Variants in TLK1 observed in about 807,000 individuals in gnomAD.
TLK1 encodes the protein serine/threonine-protein kinase tousled-like 1.
In TLK1, 24 loss-of-function variants were observed where a neutral mutation model predicts 105.3. That is an observed-to-expected ratio of 0.23 (90% CI 0.17 to 0.32). TLK1 has a LOEUF of 0.32. Ranked by LOEUF, TLK1 falls within the 10% of genes least tolerant of loss-of-function variation. The pLI, the probability that TLK1 is intolerant of heterozygous loss-of-function variation, is 1.00. For synonymous variants in TLK1, 321 were observed against 310.4 expected (o/e 1.03, Z -0.36); for missense variants, 558 against 910.5 (o/e 0.61, Z 4.98).
intron 2 of TLK1, among the ~76,000 whole-genome samples, chr2:171,088,617 T>TAA (rs1270502006): frequency 6.6e-6 from 1 of 151,976 alleles, no homozygotes; most frequent in Non-Finnish European, 1.5e-5. Flanking sequence ...GAAGAACAAA[T>TAA]AGAGTATTTA....
At chr2:171,162,088 C>T (rs1275369317), upstream of TLK1, among the ~76,000 whole-genome samples, 1 of 152,134 alleles carries the variant, frequency 6.6e-6, no homozygotes, top group African/African-American at 2.4e-5. Flanking sequence ...AGAAAAGAAC[C>T]TTGATTGTCA....
At chr2:171,180,094 CAAAAAAAAA>C (rs57360155) in intron 1 of TLK1, among the ~76,000 whole-genome samples, 5 of 68,734 alleles carry the variant, frequency 7.3e-5, no homozygotes, top group Admixed American at 6.1e-4. Flanking sequence ...GACTCTGTCT[CAAAAAAAAA>C]AAAAAAAAAA....
At chr2:171,040,999 T>C (rs1402523238) in intron 11 of TLK1, among the ~76,000 whole-genome samples, 2 of 152,198 alleles carry the variant, frequency 1.3e-5, no homozygotes, top group Admixed American at 1.3e-4. Flanking sequence ...CTGTGAAACA[T>C]GCAACATGTA....
intron 3 of TLK1, among the ~76,000 whole-genome samples, chr2:171,073,439 G>A (rs1288103400): frequency 6.6e-6 from 1 of 152,130 alleles, no homozygotes; most frequent in East Asian, 1.9e-4. Flanking sequence ...CAACTAGACA[G>A]AATATATCAG....
chr2:171,206,691 G>T (rs1034464970), intron 1 of TLK1, among the ~76,000 whole-genome samples: 1 of 152,216 alleles, frequency 6.6e-6, no homozygotes, highest in Non-Finnish European at 1.5e-5. Flanking sequence ...CTATGTAAAA[G>T]TGTGGACTGG....
chr2:171,046,370 A>G lies in TLK1; in HGVS notation c.981-8T>C. The G allele has an allele frequency of 6.3e-7, 1 of 1,583,166 alleles. No homozygotes were observed. Among genetic ancestry groups the G allele is most frequent in the East Asian group, 2.2e-5 (1 of 44,498 alleles). ...TTCACCCATTCTTGTTGCCTGTGTA[A>G]AAATAAACAAATAAAACCATATTAA... On this transcript the variant is annotated splice_polypyrimidine_tract_variant and splice_region_variant and intron_variant, in intron 10 of 20. Transcript: ENST00000431350.
chr2:170,998,222 T>C (rs1684177050), intron 18 of TLK1, among the ~76,000 whole-genome samples: 1 of 152,224 alleles, frequency 6.6e-6, no homozygotes, highest in African/African-American at 2.4e-5. Flanking sequence ...CTGTTCAAAC[T>C]GTAGGCACTT....
At chr2:171,027,552 GCT>G (rs776452289) in intron 12 of TLK1, among the ~76,000 whole-genome samples, 1 of 152,164 alleles carries the variant, frequency 6.6e-6, no homozygotes, top group Non-Finnish European at 1.5e-5. Context: ...ATCACTAAGT[GCT>G]TTTTCCTACG....
intron 1 of TLK1, among the ~76,000 whole-genome samples, chr2:171,210,348 TG>T (rs910624472): frequency 2.0e-5 from 3 of 151,488 alleles, no homozygotes; most frequent in African/African-American, 7.3e-5. Flanking sequence ...TAGGAGAGAA[TG>T]AACTCCTGGG....
At chr2:171,098,416 T>C (rs774623350) in intron 2 of TLK1, among the ~76,000 whole-genome samples, 10 of 152,110 alleles carry the variant, frequency 6.6e-5, no homozygotes, top group Non-Finnish European at 4.4e-5. Flanking sequence ...GGTAGAAAGG[T>C]AGAAATAAAT....
chr2:171,207,973 T>C (rs1339717136), intron 1 of TLK1, among the ~76,000 whole-genome samples: 2 of 152,116 alleles, frequency 1.3e-5, no homozygotes, highest in African/African-American at 4.8e-5. Context: ...GTGATCTGCC[T>C]GCCTCAGCCT....
chr2:171,028,324 A>G lies in TLK1; in HGVS notation c.1236+15T>C, dbSNP rs371978048. 1.3e-6 allele frequency: 2 copies of G among 1,577,652 alleles called. No homozygotes were observed. The highest frequency in any genetic ancestry group is 1.7e-6 in the Non-Finnish European group (2 of 1,147,898). Reference sequence around the variant, plus strand: ...TAGCAAATTGAACTAAAAATGCAGCATATGTTTCACATACCTTTTTGAGAT... The same window carrying G: ...TAGCAAATTGAACTAAAAATGCAGCGTATGTTTCACATACCTTTTTGAGAT... On this transcript the variant is annotated intron_variant, in intron 12 of 20. Coordinates refer to ENST00000431350, the MANE Select transcript of TLK1 (RefSeq NM_012290.5).
intron 1 of TLK1, among the ~76,000 whole-genome samples, chr2:171,145,640 A>C (rs779398231): frequency 6.6e-6 from 1 of 152,180 alleles, no homozygotes; most frequent in Non-Finnish European, 1.5e-5. Context: ...ACAGGTATAA[A>C]CATGTTCATA....
chr2:171,151,621 C>T (rs1279573954), intron 1 of TLK1, among the ~76,000 whole-genome samples: 1 of 151,462 alleles, frequency 6.6e-6, no homozygotes, highest in Non-Finnish European at 1.5e-5. Flanking sequence ...ACTACAGGCG[C>T]CCACCACCAC....
chr2:171,191,447 T>C (rs1693152954), intron 1 of TLK1, among the ~76,000 whole-genome samples: 1 of 150,738 alleles, frequency 6.6e-6, no homozygotes, highest in Admixed American at 6.6e-5. Flanking sequence ...GGCATGGTAG[T>C]GTGTGCCTAC....
intron 4 of TLK1, chr2:171,059,846 C>T: frequency 1.2e-6 from 1 of 805,624 alleles, no homozygotes; most frequent in South Asian, 1.3e-5. Flanking sequence ...GGTTCACACT[C>T]CTATGAGAAT....
At chr2:171,201,750 C>A (rs924393368) in intron 1 of TLK1, among the ~76,000 whole-genome samples, 2 of 152,140 alleles carry the variant, frequency 1.3e-5, no homozygotes, top group South Asian at 4.1e-4. Context: ...GTTCCATCAC[C>A]CTGAAGTCAT....
At position 171,160,808 on chromosome 2, in the gene TLK1, T is replaced by G. The variant is rs990523484; in HGVS notation, c.-380A>C. 2.7e-6 allele frequency: 1 copy of G among 374,460 alleles called. No individual in the cohort carries two copies. The highest frequency in any genetic ancestry group is 4.7e-6 in the Non-Finnish European group (1 of 212,290). 23.2% of individuals were successfully genotyped at this position (374,460 alleles called of 1,614,324 possible). ...TCCGCGGGCGGAACCTGCCGGCACC[T>G]CTGCAGTGCGTCGGCCCCCGGCGTC... is the stretch of plus-strand genomic sequence containing the variant. On this transcript the variant is annotated 5_prime_UTR_variant, in exon 1 of 21. Coordinates refer to ENST00000431350, the MANE Select transcript of TLK1 (RefSeq NM_012290.5). The surrounding 1 kb of genome is among the most constrained non-coding windows in gnomAD (Gnocchi z 4.4).
chr2:171,227,290 T>C (rs1026539677), intron 1 of TLK1, among the ~76,000 whole-genome samples: 3 of 152,196 alleles, frequency 2.0e-5, no homozygotes, highest in Non-Finnish European at 4.4e-5. Context: ...GGCATGTGAC[T>C]CAACTTGGGC....
Sources: allele counts gnomAD v4.1 joint callset (sites outside exome capture counted in the v4.1 genomes callset), GRCh38; gene constraint gnomAD v4.1.1; non-coding constraint Gnocchi (gnomAD v3.1); transcripts MANE v1.5; gene names NCBI Gene and HGNC (gene_info 2026-07-23, HGNC 2026-07-21).